Variants in ANKHD1 observed in about 807,000 individuals in gnomAD.
The protein encoded by ANKHD1 is ankyrin repeat and KH domain-containing protein 1.
A neutral mutation model predicts 230.5 loss-of-function variants in ANKHD1; 31 were observed. That is an observed-to-expected ratio of 0.13 (90% confidence interval 0.10 to 0.18). The LOEUF (loss-of-function observed/expected upper bound fraction) is 0.18, where lower values mean the gene tolerates loss of function less well. ANKHD1 is among the 10% of genes least tolerant of loss of function. The pLI is 1.00. For synonymous variants in ANKHD1, 1,074 were observed against 1,117.6 expected, an observed-to-expected ratio of 0.96 and a Z score of 0.78; for missense variants, 2,256 against 3,071.3, an observed-to-expected ratio of 0.73 and a Z score of 6.27.
chr5:140,427,746 C>T (rs1772633505), intron 1 of ANKHD1, among the ~76,000 whole-genome samples: 2 of 150,408 alleles, frequency 1.3e-5, no homozygotes, highest in African/African-American at 4.9e-5. Flanking sequence ...CCTCACCTCC[C>T]GGACAGGGCG....
intron 6 of ANKHD1, among the ~76,000 whole-genome samples, chr5:140,448,911 G>A (rs1001972358): frequency 6.6e-6 from 1 of 152,128 alleles, no homozygotes; most frequent in Non-Finnish European, 1.5e-5. Flanking sequence ...TGATCTCAGT[G>A]TTTTGATTAG....
At chr5:140,412,611 T>C (rs1771030759) in intron 1 of ANKHD1, among the ~76,000 whole-genome samples, 1 of 152,156 alleles carries the variant, frequency 6.6e-6, no homozygotes, top group African/African-American at 2.4e-5. Flanking sequence ...TAAAAAGGAT[T>C]AAGAAATAAT....
At chr5:140,448,761 A>G (rs1230316981) in intron 6 of ANKHD1, among the ~76,000 whole-genome samples, 2 of 152,110 alleles carry the variant, frequency 1.3e-5, no homozygotes, top group African/African-American at 2.4e-5. Flanking sequence ...GGCTTTTTAT[A>G]TATTCACTGT....
At position 140,449,236 on chromosome 5, in the gene ANKHD1, A is replaced by C; in HGVS notation, c.1173A>C (p.Leu391=). 1 of 1,613,562 alleles carries C rather than the reference A, an allele frequency of 6.2e-7. No individual in the cohort carries two copies. Among genetic ancestry groups the C allele is most frequent in the East Asian group, 2.2e-5 (1 of 44,864 alleles). Residue 391 remains leucine (L), a synonymous_variant, in exon 7 of 34, where the codon CTA becomes CTC. Transcript: ENST00000360839. ...GCCATTTGGATATGGTTCGCTTTCTACTTGAAGCTGGTGCAGATCAAGAGC... is the reference window on the plus strand; with the variant it reads ...GCCATTTGGATATGGTTCGCTTTCTCCTTGAAGCTGGTGCAGATCAAGAGC... ...YKGHLDMVRF[L]LEAGADQEHK...
chr5:140,526,368 C>T lies in ANKHD1; in HGVS notation c.4865C>T (p.Ser1622Phe), dbSNP rs757595031. Residue 1622 changes from serine (S) to phenylalanine (F), a missense_variant, in exon 26 of 34, where the codon TCC (serine) becomes TTC (phenylalanine). Ser to Phe is a radical substitution (Grantham distance 155, BLOSUM62 -2). Coordinates refer to ENST00000360839, the MANE Select transcript of ANKHD1 (RefSeq NM_017747.3). The stretch of plus-strand genomic sequence containing the variant: ...TTAAATTTTGTGATGGATGTGAATT[C>T]CTCTAAATACCCCTCACTGCTCCTT... Reference protein sequence around the residue: ...QELNFVMDVNSSKYPSLLLHS... With the variant: ...QELNFVMDVNFSKYPSLLLHS... The T allele has an allele frequency of 6.8e-6, 11 of 1,614,102 alleles. No individual in the cohort carries two copies. The highest frequency in any genetic ancestry group is 8.5e-6 in the Non-Finnish European group (10 of 1,180,020).
chr5:140,429,534 T>C (rs1235520805), intron 1 of ANKHD1, among the ~76,000 whole-genome samples: 3 of 152,296 alleles, frequency 2.0e-5, no homozygotes, highest in African/African-American at 7.2e-5. Context: ...TGGAAAACAA[T>C]GTATTTTTCA....
intron 7 of ANKHD1, among the ~76,000 whole-genome samples, chr5:140,452,125 A>G (rs1774793913): frequency 6.6e-6 from 1 of 152,182 alleles, no homozygotes; most frequent in African/African-American, 2.4e-5. Context: ...CCTCATTGCT[A>G]ACACAGCAGT....
At chr5:140,404,963 ATGTCTGTG>A (rs1267060367) in intron 1 of ANKHD1, among the ~76,000 whole-genome samples, 1 of 89,970 alleles carries the variant, frequency 1.1e-5, no homozygotes, top group East Asian at 2.9e-4. Context: ...CTGACTGTGC[ATGTCTGTG>A]TGTGTGTGTG....
intron 5 of ANKHD1, among the ~76,000 whole-genome samples, chr5:140,443,091 G>A (rs1474779029): frequency 6.6e-6 from 1 of 151,746 alleles, no homozygotes; most frequent in Non-Finnish European, 1.5e-5. Flanking sequence ...ATTTTTAGTA[G>A]AGACGGGGTT....
chr5:140,501,781 A>G (rs995746196), intron 15 of ANKHD1, among the ~76,000 whole-genome samples: 2 of 152,094 alleles, frequency 1.3e-5, no homozygotes, highest in African/African-American at 4.8e-5. Flanking sequence ...TTTTATGTAC[A>G]CCTAGTATCA....
intron 2 of ANKHD1, among the ~76,000 whole-genome samples, chr5:140,437,189 A>C (rs1773518319): frequency 1.3e-5 from 2 of 152,162 alleles, no homozygotes; most frequent in African/African-American, 2.4e-5. Flanking sequence ...GTTTATGTTG[A>C]TCTTTCTCCT....
chr5:140,492,189 G>A (rs934775320), intron 14 of ANKHD1, among the ~76,000 whole-genome samples: 1 of 152,084 alleles, frequency 6.6e-6, no homozygotes, highest in Non-Finnish European at 1.5e-5. Context: ...AAACTTTACT[G>A]ATAATATTCT....
intron 10 of ANKHD1, among the ~76,000 whole-genome samples, chr5:140,471,175 T>G (rs1394433111): frequency 6.6e-6 from 1 of 152,190 alleles, no homozygotes; most frequent in East Asian, 1.9e-4. Context: ...GTTTTTAGAT[T>G]AGTGATGCTC....
chr5:140,518,094 G>T (rs910459316), intron 24 of ANKHD1, among the ~76,000 whole-genome samples: 1 of 152,174 alleles, frequency 6.6e-6, no homozygotes, highest in Non-Finnish European at 1.5e-5. Context: ...AATAAAAAAT[G>T]ATAAAGGGGA....
intron 23 of ANKHD1, among the ~76,000 whole-genome samples, 179 bp from the exon 24 acceptor site, chr5:140,513,184 C>T (rs1220765688): frequency 6.6e-6 from 1 of 152,172 alleles, no homozygotes; most frequent in Non-Finnish European, 1.5e-5. Context: ...TAAGGACATG[C>T]AGGTTTTTAG....
At position 140,528,535 on chromosome 5, in the gene ANKHD1, T is replaced by C; in HGVS notation, c.5589T>C (p.Thr1863=). 6 of 1,614,202 alleles carry C rather than the reference T, an allele frequency of 3.7e-6. No individual in the cohort carries two copies. Among genetic ancestry groups the C allele is most frequent in the Non-Finnish European group, 5.1e-6 (6 of 1,180,048 alleles). Reference sequence around the variant, plus strand: ...ATTTTGCCCTGCTGGCTGCTCAAACTATGCAACAGATTCGGCATCCTCGCT... The same window carrying C: ...ATTTTGCCCTGCTGGCTGCTCAAACCATGCAACAGATTCGGCATCCTCGCT... The part of the protein sequence containing the change: ...HPHFALLAAQ[T]MQQIRHPRLP... Residue 1863 remains threonine, a synonymous_variant, in exon 29 of 34, where the codon ACT becomes ACC. Coordinates refer to ENST00000360839, the MANE Select transcript of ANKHD1 (RefSeq NM_017747.3).
intron 1 of ANKHD1, among the ~76,000 whole-genome samples, chr5:140,425,875 C>T (rs1228926200): frequency 6.6e-6 from 1 of 152,018 alleles, no homozygotes; most frequent in Non-Finnish European, 1.5e-5. Context: ...ATTGTTATGT[C>T]CTTCAGTAAT....
At chr5:140,512,709 G>A in intron 22 of ANKHD1, 119 bp from the exon 23 acceptor site, 1 of 785,972 alleles carries the variant, frequency 1.3e-6, no homozygotes, top group Non-Finnish European at 2.0e-6. Flanking sequence ...AAATTGGTAG[G>A]CATATATGCA....
At chr5:140,420,332 A>G (rs971689610) in intron 1 of ANKHD1, among the ~76,000 whole-genome samples, 2 of 151,940 alleles carry the variant, frequency 1.3e-5, no homozygotes, top group Admixed American at 6.6e-5. Flanking sequence ...AAAAATTTTG[A>G]TGACGCCCAA....
Sources: gnomAD v4.1 joint callset for allele counts (sites outside exome capture counted in the v4.1 genomes callset) on GRCh38, gnomAD v4.1.1 for gene constraint, MANE v1.5 for transcripts, NCBI Gene and HGNC (gene_info 2026-07-23, HGNC 2026-07-21) for gene names.